Variants in MYO6 observed in about 807,000 individuals in gnomAD.
The protein encoded by MYO6 is unconventional myosin-VI.
MYO6 carries 74 observed loss-of-function variants against 178.7 expected under a neutral mutation model. The ratio of observed to expected loss-of-function variants is 0.41; its 90% confidence interval spans 0.34 to 0.50. MYO6 has a LOEUF of 0.50. Among genes scored for constraint, MYO6 ranks in the 20% least tolerant of loss-of-function variants. The pLI, the probability that MYO6 is intolerant of heterozygous loss-of-function variation, is 0.09. For synonymous variants in MYO6, 477 were observed against 504.6 expected (o/e 0.95, Z 0.73); for missense variants, 1,330 against 1,547.4 (o/e 0.86, Z 2.36).
Position 75,846,297 on chromosome 6 carries a change from T to C in MYO6, c.897+1320T>C, listed in dbSNP as rs376381051. 5.3e-5 allele frequency among the ~76,000 whole-genome samples: 8 copies of C among 152,134 alleles called. No individual in the cohort carries two copies. The East Asian group carries it at 1.5e-3, about 29-fold the overall frequency. ...GTTAATGTTACTTTTATTAATTTTA[T>C]TAAATATTTAAATTGAGTAATCGAA... is the stretch of plus-strand genomic sequence containing the variant. On this transcript the variant is annotated intron_variant, in intron 10 of 34. Transcript: ENST00000369977.
At chr6:75,855,093 G>T (rs781080375) in intron 11 of MYO6, 46 bp from the exon 12 acceptor site, 4 of 1,482,730 alleles carry the variant, frequency 2.7e-6, no homozygotes, top group Non-Finnish European at 3.7e-6. Context: ...TGAAAATCTG[G>T]TTTATATAAT....
chr6:75,759,576 A>AT lies in MYO6; in HGVS notation c.-48+10167dup, dbSNP rs879316456. Among the ~76,000 whole-genome samples, 412 of 144,264 alleles carry AT rather than the reference A, an allele frequency of 2.9e-3. 3 individuals carry two copies. The highest frequency in any genetic ancestry group is 0.011 in the Middle Eastern group (3 of 272). The allele number at this position is 144,264 out of a possible 152,430, so 94.6% of individuals were successfully genotyped here. A position where few individuals can be genotyped will look rare whatever the true frequency, so the allele number is the denominator to read the frequency against. ...AGAACCCAGCTGGGGAGCCCAGGTG[A>AT]TTTTTTTTTTTTTTAAAGCTCATTC... On this transcript the variant is annotated intron_variant, in intron 1 of 34. Transcript: ENST00000369977.
chr6:75,904,595 T>TTC (rs1780113367), intron 30 of MYO6, among the ~76,000 whole-genome samples: 2 of 152,214 alleles, frequency 1.3e-5, no homozygotes, highest in Admixed American at 6.5e-5. Flanking sequence ...CTTTAAGCAC[T>TTC]TCTCTGTATT....
At chr6:75,821,917 C>A in intron 2 of MYO6, among the ~76,000 whole-genome samples, 1 of 152,104 alleles carries the variant, frequency 6.6e-6, no homozygotes, top group Non-Finnish European at 1.5e-5. Flanking sequence ...TATAAGTATT[C>A]ATGGATACTT....
intron 1 of MYO6, among the ~76,000 whole-genome samples, chr6:75,754,519 CAAAAAAAAAA>C (rs58162315): frequency 1.6e-4 from 7 of 44,180 alleles, no homozygotes; most frequent in South Asian, 1.6e-3. Context: ...GACTCCGTCT[CAAAAAAAAAA>C]AAAAAAAAAA....
chr6:75,824,903 G>C (rs773569424), intron 3 of MYO6, among the ~76,000 whole-genome samples: 2 of 151,960 alleles, frequency 1.3e-5, no homozygotes, highest in Non-Finnish European at 2.9e-5. Flanking sequence ...GTGACTACAC[G>C]TGTGCACCAC....
intron 16 of MYO6, 127 bp downstream of exon 16, chr6:75,862,850 T>C (rs906942425): frequency 1.2e-5 from 13 of 1,070,054 alleles, no homozygotes; most frequent in Non-Finnish European, 1.8e-5. Context: ...AACTATATTA[T>C]ATCCAGCACA....
chr6:75,758,116 T>C (rs907135425), intron 1 of MYO6, among the ~76,000 whole-genome samples: 1 of 151,660 alleles, frequency 6.6e-6, no homozygotes, highest in African/African-American at 2.4e-5. Context: ...TAGCTGGGAC[T>C]ACAGGCACGT....
intron 10 of MYO6, among the ~76,000 whole-genome samples, chr6:75,846,802 T>TTACTCTCCAAAGAGTAGCATG (rs1272726925): frequency 1.3e-5 from 2 of 152,068 alleles, no homozygotes; most frequent in African/African-American, 2.4e-5. Context: ...GAAAACGAGT[T>TTACTCTCCAAAGAGTAGCATG]TACTCTCCAA....
At chr6:75,842,115 A>G (rs902695252) in intron 9 of MYO6, among the ~76,000 whole-genome samples, 1 of 152,136 alleles carries the variant, frequency 6.6e-6, no homozygotes, top group African/African-American at 2.4e-5. Context: ...GGTGCCAGGC[A>G]TTGGGCCAGG....
At chr6:75,859,067 G>T in intron 14 of MYO6, 74 bp downstream of exon 14, 2 of 1,010,690 alleles carry the variant, frequency 2.0e-6, no homozygotes, top group Non-Finnish European at 3.0e-6. Flanking sequence ...ATATGCTGCA[G>T]TTACCCTGAT....
At chr6:75,788,752 C>T (rs1391404691) in intron 1 of MYO6, among the ~76,000 whole-genome samples, 1 of 152,090 alleles carries the variant, frequency 6.6e-6, no homozygotes, top group Non-Finnish European at 1.5e-5. Context: ...ATGATTTTGT[C>T]AGAAGAAGCC....
chr6:75,768,679 G>A (rs1310190580), intron 1 of MYO6, among the ~76,000 whole-genome samples: 1 of 152,060 alleles, frequency 6.6e-6, no homozygotes, highest in Non-Finnish European at 1.5e-5. Context: ...ACTGTGCCTG[G>A]CCAATAATTC....
At chr6:75,884,970 G>A (rs1195860918) in intron 23 of MYO6, among the ~76,000 whole-genome samples, 2 of 152,192 alleles carry the variant, frequency 1.3e-5, no homozygotes, top group African/African-American at 4.8e-5. Flanking sequence ...TACAAAGGCT[G>A]ACTGGTTCCC....
chr6:75,795,453 G>A (rs1768707169), intron 1 of MYO6, among the ~76,000 whole-genome samples: 1 of 152,100 alleles, frequency 6.6e-6, no homozygotes, highest in African/African-American at 2.4e-5. Context: ...TTTTGTTTAT[G>A]AAAAGTTAAC....
intron 1 of MYO6, among the ~76,000 whole-genome samples, chr6:75,797,490 T>C (rs1236030423): frequency 6.6e-6 from 1 of 152,170 alleles, no homozygotes; most frequent in Non-Finnish European, 1.5e-5. Flanking sequence ...CCCAGTCATG[T>C]AATTGCTGGG....
intron 3 of MYO6, among the ~76,000 whole-genome samples, chr6:75,823,402 C>T (rs117071723): frequency 2.0e-3 from 310 of 152,248 alleles, no homozygotes; most frequent in Non-Finnish European, 3.9e-3. Context: ...TTTATTCTTA[C>T]ATTTTTAAGA....
At chr6:75,763,362 G>A (rs1285240433) in intron 1 of MYO6, among the ~76,000 whole-genome samples, 1 of 152,078 alleles carries the variant, frequency 6.6e-6, no homozygotes, top group Non-Finnish European at 1.5e-5. Context: ...CCTATTTAAA[G>A]GGTCCCAGTG....
At chr6:75,786,604 C>G (rs1767588748) in intron 1 of MYO6, among the ~76,000 whole-genome samples, 1 of 151,904 alleles carries the variant, frequency 6.6e-6, no homozygotes, top group Non-Finnish European at 1.5e-5. Flanking sequence ...TATATTTTTT[C>G]TTTTCATTTT....
Sources: allele counts gnomAD v4.1 joint callset (sites outside exome capture counted in the v4.1 genomes callset), GRCh38; gene constraint gnomAD v4.1.1; transcripts MANE v1.5; gene names NCBI Gene and HGNC (gene_info 2026-07-23, HGNC 2026-07-21).